Variants in MINDY4 observed in about 807,000 individuals in gnomAD.
The protein encoded by MINDY4 is probable ubiquitin carboxyl-terminal hydrolase MINDY-4.
A neutral mutation model predicts 87.0 loss-of-function variants in MINDY4; 68 were observed. The observed-to-expected ratio is 0.78, with a 90% CI of 0.64 to 0.96. The LOEUF is 0.96. Ranked by LOEUF, MINDY4 falls within the 40% of genes least tolerant of loss-of-function variation. The pLI, the probability that MINDY4 is intolerant of heterozygous loss-of-function variation, is 0.00. For synonymous variants in MINDY4, 379 were observed against 363.2 expected, an observed-to-expected ratio of 1.04 and a Z score of -0.50; for missense variants, 919 against 928.2, an observed-to-expected ratio of 0.99 and a Z score of 0.13.
At chr7:30,881,043 TTCTTTAA>T (rs1337238304) in intron 15 of MINDY4, among the ~76,000 whole-genome samples, 2 of 152,188 alleles carry the variant, frequency 1.3e-5, no homozygotes, top group Non-Finnish European at 2.9e-5. Flanking sequence ...TTCCCATTCT[TTCTTTAA>T]TCCACAGGCT....
At chr7:30,860,707 G>C (rs1384159058) in intron 13 of MINDY4, among the ~76,000 whole-genome samples, 1 of 152,102 alleles carries the variant, frequency 6.6e-6, no homozygotes, top group Non-Finnish European at 1.5e-5. Flanking sequence ...TGGGCGCCTT[G>C]TTACATGCAT....
chr7:30,831,037 C>T lies in MINDY4; in HGVS notation c.1132+2300C>T, dbSNP rs367574571. Among the ~76,000 whole-genome samples, 92 of 152,176 alleles carry T rather than the reference C, an allele frequency of 6.0e-4. 1 individual carries two copies. Among genetic ancestry groups the T allele is most frequent in the Middle Eastern group, 6.8e-3 (2 of 294 alleles). On this transcript the variant is annotated intron_variant, in intron 6 of 17. Coordinates refer to ENST00000265299, the MANE Select transcript of MINDY4 (RefSeq NM_032222.3). Reference sequence around the variant, plus strand: ...TGTGCTAGTGAGATACCTAGGGCTGCGCATTTGGGGGCTATATCTGGACTT... The same window carrying T: ...TGTGCTAGTGAGATACCTAGGGCTGTGCATTTGGGGGCTATATCTGGACTT...
intron 11 of MINDY4, among the ~76,000 whole-genome samples, 158 bp from the exon 12 acceptor site, chr7:30,853,236 C>G (rs1410869655): frequency 1.3e-5 from 2 of 152,206 alleles, no homozygotes; most frequent in Admixed American, 6.5e-5. Context: ...CAGGTATGGC[C>G]GTGCCTCTCA....
intron 1 of MINDY4, among the ~76,000 whole-genome samples, chr7:30,776,254 T>A (rs1488458259): frequency 4.6e-5 from 7 of 152,238 alleles, no homozygotes; most frequent in Non-Finnish European, 1.0e-4. Flanking sequence ...GGGTGACTTC[T>A]GACTTCCTTA....
intron 12 of MINDY4, among the ~76,000 whole-genome samples, chr7:30,855,537 A>G (rs954927976): frequency 6.6e-6 from 1 of 152,070 alleles, no homozygotes; most frequent in Non-Finnish European, 1.5e-5. Context: ...TTCAGGGGCT[A>G]AGGTGGAGCC....
In MINDY4 at chr7:30,839,211, C is replaced by T; in HGVS notation, c.1251C>T (p.Thr417=). The T allele has an allele frequency of 1.9e-6, 3 of 1,601,268 alleles. No individual in the cohort carries two copies. Among genetic ancestry groups the T allele is most frequent in the Non-Finnish European group, 2.6e-6 (3 of 1,175,250 alleles). ...TCTTCTTTTTATAGGAAATAAAGACCCTTCTGTTTGGTTCCAGCTTTTGCT... is the reference window on the plus strand; with the variant it reads ...TCTTCTTTTTATAGGAAATAAAGACTCTTCTGTTTGGTTCCAGCTTTTGCT... ...IDLSVAKEIK[T]LLFGSSFCCF... Residue 417 remains threonine, a synonymous_variant, in exon 8 of 18, where the codon ACC becomes ACT. Transcript: ENST00000265299.
intron 14 of MINDY4, among the ~76,000 whole-genome samples, chr7:30,874,600 G>A (rs1266707159): frequency 6.6e-6 from 1 of 152,226 alleles, no homozygotes; most frequent in Non-Finnish European, 1.5e-5. Context: ...CATGCTTGTT[G>A]GCTTGCCAGG....
At chr7:30,828,318 T>TTGTGTGTGTGTGTG (rs60396175) in intron 5 of MINDY4, among the ~76,000 whole-genome samples, 42 of 147,880 alleles carry the variant, frequency 2.8e-4, no homozygotes, top group African/African-American at 1.0e-3. Context: ...AGAACTCGAT[T>TTGTGTGTGTGTGTG]TGTGTGTGTG....
intron 5 of MINDY4, among the ~76,000 whole-genome samples, chr7:30,824,058 TC>T (rs1452074838): frequency 3.3e-5 from 5 of 152,166 alleles, no homozygotes; most frequent in Non-Finnish European, 5.9e-5. Flanking sequence ...ATAGCAAATG[TC>T]TTAGTCTGTT....
intron 15 of MINDY4, among the ~76,000 whole-genome samples, chr7:30,881,134 G>C (rs980556451): frequency 6.6e-6 from 1 of 152,172 alleles, no homozygotes; most frequent in Non-Finnish European, 1.5e-5. Context: ...AGCCTGGCCC[G>C]TGGCACGTAC....
At chr7:30,810,108 G>A (rs541080557) in intron 5 of MINDY4, among the ~76,000 whole-genome samples, 13 of 148,668 alleles carry the variant, frequency 8.7e-5, no homozygotes, top group African/African-American at 2.2e-4. Flanking sequence ...CCTGGGAGGC[G>A]GAGGTTGTGG....
chr7:30,808,959 CAGAG>C (rs768983149), intron 5 of MINDY4, among the ~76,000 whole-genome samples: 1 of 129,864 alleles, frequency 7.7e-6, no homozygotes, highest in Non-Finnish European at 1.7e-5. Context: ...GAGAGAGAGG[CAGAG>C]AGAGAGAAAG....
At chr7:30,798,787 T>G (rs1787567313) in intron 5 of MINDY4, among the ~76,000 whole-genome samples, 1 of 152,186 alleles carries the variant, frequency 6.6e-6, no homozygotes, top group Non-Finnish European at 1.5e-5. Context: ...CGTGAGCCAC[T>G]GCGCCCAGCC....
chr7:30,860,016 A>C (rs1388483337), intron 13 of MINDY4, among the ~76,000 whole-genome samples: 1 of 152,222 alleles, frequency 6.6e-6, no homozygotes, highest in Non-Finnish European at 1.5e-5. Flanking sequence ...GCAGATTAAT[A>C]GCGCATGAAC....
rs538098990 is a variant in MINDY4, at chr7:30,813,138, A to G, written c.1074-15541A>G. On this transcript the variant is annotated intron_variant, in intron 5 of 17. Coordinates refer to ENST00000265299, the MANE Select transcript of MINDY4 (RefSeq NM_032222.3). ...TTTTGGAGGGGGTACTTTCAGCCTC[A>G]TGCTTGCATTAGATTCAGATCCTTA... Among the ~76,000 whole-genome samples, 48 of 152,318 alleles carry G rather than the reference A, an allele frequency of 3.2e-4. No individual in the cohort carries two copies. The Middle Eastern group carries it at 0.01, about 32-fold the overall frequency.
At chr7:30,889,770 G>A (rs1019769774) in intron 17 of MINDY4, among the ~76,000 whole-genome samples, 2 of 152,184 alleles carry the variant, frequency 1.3e-5, no homozygotes, top group Non-Finnish European at 2.9e-5. Context: ...ACTTCAAAAC[G>A]ATTGATGAAG....
intron 13 of MINDY4, among the ~76,000 whole-genome samples, chr7:30,862,749 A>G (rs1011139422): frequency 1.8e-4 from 28 of 152,348 alleles, no homozygotes; most frequent in African/African-American, 6.5e-4. Flanking sequence ...GAAAAGCACC[A>G]GGATACCTAG....
chr7:30,806,485 TA>T (rs35183235), intron 5 of MINDY4, among the ~76,000 whole-genome samples: 53,867 of 149,932 alleles, frequency 0.36, 9,897 homozygotes, highest in South Asian at 0.43. Context: ...AACACCCATT[TA>T]AAAAAAAAAA....
At chr7:30,862,856 T>A (rs1226048127) in intron 13 of MINDY4, among the ~76,000 whole-genome samples, 3 of 152,188 alleles carry the variant, frequency 2.0e-5, no homozygotes, top group South Asian at 4.1e-4. Flanking sequence ...GGTGCTTTTT[T>A]AAACTATGTT....
Sources: gnomAD v4.1 joint callset for allele counts (sites outside exome capture counted in the v4.1 genomes callset) on GRCh38, gnomAD v4.1.1 for gene constraint, MANE v1.5 for transcripts, NCBI Gene and HGNC (gene_info 2026-07-23, HGNC 2026-07-21) for gene names.